Variants in PBRM1 observed in about 807,000 individuals in gnomAD.
PBRM1 encodes the protein polybromo 1.
Under a neutral mutation model 194.5 loss-of-function variants are expected in PBRM1, and 27 were observed. That is an observed-to-expected ratio of 0.14 (90% CI 0.10 to 0.19). The LOEUF (loss-of-function observed/expected upper bound fraction) is 0.19, where lower values mean the gene tolerates loss of function less well. Ranked by LOEUF, PBRM1 falls within the 10% of genes least tolerant of loss-of-function variation. The pLI is 1.00. For missense variants in PBRM1, 1,466 were observed against 2,077.2 expected (o/e 0.71, Z 5.72); for synonymous variants, 655 against 693.2 (o/e 0.94, Z 0.87).
chr3:52,576,797 C>A, intron 21 of PBRM1, 99 bp from the exon 24 acceptor site: 2 of 768,626 alleles, frequency 2.6e-6, no homozygotes, highest in South Asian at 2.1e-5. Flanking sequence ...TAATGTGTAC[C>A]ATTCAGAGGA....
intron 13 of PBRM1, among the ~76,000 whole-genome samples, chr3:52,623,554 C>T (rs2095348537): frequency 6.6e-6 from 1 of 152,162 alleles, no homozygotes; most frequent in Admixed American, 6.5e-5. Context: ...TGACTAAAAA[C>T]AAAACCAAAA....
intron 29 of PBRM1, among the ~76,000 whole-genome samples, chr3:52,548,855 G>A (rs2080131242): frequency 2.6e-5 from 4 of 152,150 alleles, no homozygotes; most frequent in Admixed American, 2.6e-4. Context: ...GAAATGAGAT[G>A]ACCAAAGTTG....
intron 25 of PBRM1, among the ~76,000 whole-genome samples, chr3:52,560,121 C>T (rs953766831): frequency 2.0e-5 from 3 of 152,106 alleles, no homozygotes; most frequent in African/African-American, 7.2e-5. Flanking sequence ...TTCAGACTCC[C>T]CTTTGAATTT....
At chr3:52,646,061 G>GA (rs1463158880) in intron 7 of PBRM1, among the ~76,000 whole-genome samples, 3 of 152,010 alleles carry the variant, frequency 2.0e-5, no homozygotes, top group Non-Finnish European at 4.4e-5. Context: ...AACTTAGTTA[G>GA]AAAAAATAAT....
rs766176768 is a variant in PBRM1 at position 52,589,270 on chromosome 3, T to C, written c.2780-15A>G. ...CTTTTCAGCTTCTTAGGTAAAAAAA[T>C]AAATAAATAAAGGAAAAAGGTACTC... On this transcript the variant is annotated splice_polypyrimidine_tract_variant and intron_variant, in intron 17 of 29. Coordinates refer to ENST00000296302, the Ensembl canonical transcript of PBRM1. 5 of 1,491,070 alleles carry C rather than the reference T, an allele frequency of 3.4e-6. No homozygotes were observed. The African/African-American group carries it at 5.8e-5, about 17-fold the overall frequency. 92.4% of individuals were successfully genotyped at this position (1,491,070 alleles called of 1,614,324 possible).
At chr3:52,674,097 G>T (rs1016110475) in intron 2 of PBRM1, among the ~76,000 whole-genome samples, 1 of 151,262 alleles carries the variant, frequency 6.6e-6, no homozygotes, top group African/African-American at 2.4e-5. Context: ...GCAGATAAAC[G>T]AAATTAGAGA....
intron 15 of PBRM1, among the ~76,000 whole-genome samples, chr3:52,612,273 A>AAAAAAAAAAG (rs2094672487): frequency 6.7e-6 from 1 of 149,174 alleles, no homozygotes; most frequent in African/African-American, 2.5e-5. Flanking sequence ...AAAAAAAAAA[A>AAAAAAAAAAG]AAAAAAAAAG....
chr3:52,639,007 A>G, intron 10 of PBRM1, among the ~76,000 whole-genome samples: 1 of 140,794 alleles, frequency 7.1e-6, no homozygotes, highest in Admixed American at 7.2e-5. Context: ...GGCGGGGGAC[A>G]AAGTTTTGCT....
Position 52,624,799 on chromosome 3 carries a change from C to T in PBRM1, c.1541+2474G>A, listed in dbSNP as rs917777817. 7.2e-5 allele frequency: 57 copies of T among 790,108 alleles called. No homozygotes were observed. In the South Asian group the frequency reaches 9.1e-4, roughly 13 times the overall value. The allele number at this position is 790,108 out of a possible 1,614,324, so 48.9% of individuals were successfully genotyped here. On this transcript the variant is annotated intron_variant, in intron 13 of 29. Coordinates refer to ENST00000296302, the Ensembl canonical transcript of PBRM1. ...TGGCACCCCAATAAAGACTTTTTTT[C>T]ACATGCTTAAGGCTTCACTTTTCAC...
chr3:52,554,556 C>T (rs1159263261), intron 27 of PBRM1, among the ~76,000 whole-genome samples, 168 bp downstream of exon 29: 1 of 152,266 alleles, frequency 6.6e-6, no homozygotes, highest in African/African-American at 2.4e-5. Context: ...AGTGCTGGGC[C>T]ACCTGCTGAA....
At chr3:52,682,703 C>T (rs1477722765), upstream of PBRM1, among the ~76,000 whole-genome samples, 2 of 152,144 alleles carry the variant, frequency 1.3e-5, no homozygotes, top group Non-Finnish European at 2.9e-5. Flanking sequence ...CTAAGTCTTC[C>T]ACCTCTGATT....
chr3:52,551,175 T>C (rs2080894159), intron 27 of PBRM1, among the ~76,000 whole-genome samples: 1 of 152,220 alleles, frequency 6.6e-6, no homozygotes, highest in Admixed American at 6.5e-5. Context: ...CTGAAGCCTG[T>C]ATTTAATTTA....
At chr3:52,563,997 T>C in intron 23 of PBRM1, 53 bp downstream of exon 25, 2 of 1,165,702 alleles carry the variant, frequency 1.7e-6, no homozygotes, top group Non-Finnish European at 2.5e-6. Flanking sequence ...CTACACTATG[T>C]TGCTATCAGT....
chr3:52,647,319 G>A (rs1239974066), intron 7 of PBRM1, among the ~76,000 whole-genome samples: 1 of 150,250 alleles, frequency 6.7e-6, no homozygotes, highest in Non-Finnish European at 1.5e-5. Context: ...ATTGCTGGTG[G>A]GAATGTAAAA....
chr3:52,621,930 T>G (rs1188878149), intron 13 of PBRM1, among the ~76,000 whole-genome samples: 1 of 151,934 alleles, frequency 6.6e-6, no homozygotes, highest in Non-Finnish European at 1.5e-5. Context: ...CCTGTGATCC[T>G]AGCTACACAT....
intron 18 of PBRM1, among the ~76,000 whole-genome samples, chr3:52,588,640 C>T (rs1443000372): frequency 8.6e-5 from 13 of 150,828 alleles, no homozygotes; most frequent in African/African-American, 2.7e-4. Context: ...TTGCAAGCTC[C>T]GCCTCCTGGG....
At chr3:52,629,168 A>G in intron 11 of PBRM1, 133 bp from the exon 13 acceptor site, 1 of 666,824 alleles carries the variant, frequency 1.5e-6, no homozygotes, top group Non-Finnish European at 2.5e-6. Flanking sequence ...GGAACTTAAA[A>G]ATGACTTTTG....
Position 52,564,220 on chromosome 3 carries a change from C to G in PBRM1, c.3705G>C (p.Val1235=). 4 of 1,611,922 alleles carry G rather than the reference C, an allele frequency of 2.5e-6. No individual in the cohort carries two copies. In the East Asian group the frequency reaches 8.9e-5, roughly 36 times the overall value. ...AGGAGAGGAAGTCCTTGAATGACAA[C>G]ACAGCACACTTTCCTGAAAGAGAAA... The change falls in exon 23 of 30, where the codon GTG becomes GTC. Residue 1235 remains valine, a synonymous_variant. Transcript: ENST00000296302.
chr3:52,653,193 T>C (rs1364546409), intron 5 of PBRM1, among the ~76,000 whole-genome samples: 1 of 152,234 alleles, frequency 6.6e-6, no homozygotes, highest in Non-Finnish European at 1.5e-5. Context: ...AGAAGTCAGG[T>C]TGCAAAATTT....
Sources: gnomAD v4.1 joint callset for allele counts (sites outside exome capture counted in the v4.1 genomes callset) on GRCh38, gnomAD v4.1.1 for gene constraint, MANE v1.5 for transcripts, NCBI Gene and HGNC (gene_info 2026-07-23, HGNC 2026-07-21) for gene names.